GDI2: variants seen among roughly 807,000 people sequenced by gnomAD.
GDI2 encodes the protein GDP dissociation inhibitor 2, also known as rab GDP dissociation inhibitor beta.
Under a neutral mutation model 54.2 loss-of-function variants are expected in GDI2, and 22 were observed. That is an observed-to-expected ratio of 0.41 (90% CI 0.29 to 0.58). GDI2 has a LOEUF of 0.58. Among genes scored for constraint, GDI2 ranks in the 20% least tolerant of loss-of-function variants. The pLI is 0.35. For synonymous variants in GDI2, 177 were observed against 182.1 expected, an observed-to-expected ratio of 0.97 and a Z score of 0.23; for missense variants, 422 against 546.0, an observed-to-expected ratio of 0.77 and a Z score of 2.26.
At chr10:5,802,896 G>A (rs1841300678) in intron 1 of GDI2, among the ~76,000 whole-genome samples, 1 of 152,134 alleles carries the variant, frequency 6.6e-6, no homozygotes, top group Admixed American at 6.6e-5. Context: ...TCATTAATGT[G>A]GCTTCAGATT....
At chr10:5,773,303 C>CAGTGTCA (rs143332877) in intron 7 of GDI2, among the ~76,000 whole-genome samples, 5,061 of 152,180 alleles carry the variant, frequency 0.033, 131 homozygotes, top group Non-Finnish European at 0.051. Context: ...CAGATAGTAA[C>CAGTGTCA]AGTGTCAAAT....
chr10:5,810,728 T>C (rs1010237799), intron 1 of GDI2, among the ~76,000 whole-genome samples: 2 of 152,242 alleles, frequency 1.3e-5, no homozygotes, highest in African/African-American at 4.8e-5. Flanking sequence ...AGCTGTGCTC[T>C]TTAGAGATAA....
chr10:5,806,995 G>A lies in GDI2; in HGVS notation c.45+6219C>T, dbSNP rs139271040. ...GGCCCAGTAATTTAAAGATGTGGCC[G>A]AGTCCAAAGAGCTGACAGCAACTAC... is the stretch of plus-strand genomic sequence containing the variant. On this transcript the variant is annotated intron_variant, in intron 1 of 10. Coordinates refer to ENST00000380191, the MANE Select transcript of GDI2 (RefSeq NM_001494.4). Among the ~76,000 whole-genome samples, 6 of 152,216 alleles carry A rather than the reference G, an allele frequency of 3.9e-5. No individual in the cohort carries two copies. In the East Asian group the frequency reaches 9.6e-4, roughly 24 times the overall value.
In GDI2 at chr10:5,796,818, C is replaced by T. The variant is rs1350264115; in HGVS notation, c.198G>A (p.Met66Ile). 1.9e-6 allele frequency: 3 copies of T among 1,593,426 alleles called. No individual in the cohort carries two copies. Among genetic ancestry groups the T allele is most frequent in the South Asian group, 1.1e-5 (1 of 90,538 alleles). ...FKIPGSPPESMGRGRDWNVDL... is the reference protein window; with the variant it reads ...FKIPGSPPESIGRGRDWNVDL... Reference sequence around the variant, plus strand: ...CAACATTCCAGTCTCTTCCTCTCCCCATTGACTCGGGTGGTGATCCTGGTA... The same window carrying T: ...CAACATTCCAGTCTCTTCCTCTCCCTATTGACTCGGGTGGTGATCCTGGTA... Residue 66 changes from methionine (M) to isoleucine (I), a missense_variant, in exon 3 of 11, where the codon ATG (methionine) becomes ATA (isoleucine). Transcript: ENST00000380191.
At chr10:5,808,933 C>T (rs765454457) in intron 1 of GDI2, among the ~76,000 whole-genome samples, 15 of 151,952 alleles carry the variant, frequency 9.9e-5, no homozygotes, top group African/African-American at 3.6e-4. Flanking sequence ...AATGACTCTG[C>T]CCCTCTAATG....
intron 7 of GDI2, among the ~76,000 whole-genome samples, chr10:5,769,915 G>T (rs1050738501): frequency 1.3e-5 from 2 of 152,218 alleles, no homozygotes; most frequent in Admixed American, 6.5e-5. Context: ...TGGTCTTGAT[G>T]AGACATTTGT....
chr10:5,795,046 T>C (rs1052452919), intron 3 of GDI2, 27 bp from the exon 4 acceptor site: 7 of 1,458,614 alleles, frequency 4.8e-6, no homozygotes, highest in Non-Finnish European at 6.7e-6. Context: ...ATTCAAACTA[T>C]AACTTAAGTC....
intron 4 of GDI2, among the ~76,000 whole-genome samples, chr10:5,792,419 A>G (rs1258509918): frequency 6.6e-6 from 1 of 152,238 alleles, no homozygotes; most frequent in Admixed American, 6.5e-5. Context: ...TATTAAAATT[A>G]TAAAACAACT....
At chr10:5,773,677 T>C (rs975684102) in intron 7 of GDI2, among the ~76,000 whole-genome samples, 165 bp downstream of exon 7, 1 of 152,222 alleles carries the variant, frequency 6.6e-6, no homozygotes, top group African/African-American at 2.4e-5. Context: ...AAAAAGATGC[T>C]TTTAAAACAA....
Position 5,776,950 on chromosome 10 carries a change from A to G in GDI2, c.720-3009T>C, listed in dbSNP as rs1198111440. 2 of 565,088 alleles carry G rather than the reference A, an allele frequency of 3.5e-6. No homozygotes were observed. Among genetic ancestry groups the G allele is most frequent in the Non-Finnish European group, 6.1e-6 (2 of 326,194 alleles). 35.0% of individuals were successfully genotyped at this position (565,088 alleles called of 1,614,324 possible). ...AAATTAAAAGGGAAAACCACATAGA[A>G]GGGTAATCCCGGAAATGCTTCATCT... On this transcript the variant is annotated intron_variant, in intron 6 of 10. Coordinates refer to ENST00000380191, the MANE Select transcript of GDI2 (RefSeq NM_001494.4). The surrounding 1 kb of genome is among the most constrained non-coding windows in gnomAD (Gnocchi z 5.3).
Position 5,796,826 on chromosome 10 carries a change from C to G in GDI2, c.190G>C (p.Glu64Gln). 1.3e-6 allele frequency: 2 copies of G among 1,588,678 alleles called. No individual in the cohort carries two copies. The highest frequency in any genetic ancestry group is 1.1e-5 in the South Asian group (1 of 90,278). Residue 64 changes from glutamate to glutamine, a missense_variant, in exon 3 of 11, where the codon GAG becomes CAG. By Grantham distance (29) the Glu-to-Gln change is conservative. Transcript: ENST00000380191. ...CAGTCTCTTCCTCTCCCCATTGACT[C>G]GGGTGGTGATCCTGGTATTTTAAAT... ...KRFKIPGSPP[E>Q]SMGRGRDWNV...
intron 4 of GDI2, among the ~76,000 whole-genome samples, chr10:5,793,426 C>T (rs1258668615): frequency 6.6e-6 from 1 of 152,200 alleles, no homozygotes; most frequent in Non-Finnish European, 1.5e-5. Context: ...TAACTACCCG[C>T]AACTGAATGA....
chr10:5,810,282 C>T (rs1841458658), intron 1 of GDI2, among the ~76,000 whole-genome samples: 1 of 151,986 alleles, frequency 6.6e-6, no homozygotes, highest in Non-Finnish European at 1.5e-5. Flanking sequence ...CTGTGTAGAA[C>T]AAAAAATGGG....
At chr10:5,800,348 A>G (rs1228045510) in intron 2 of GDI2, among the ~76,000 whole-genome samples, 2 of 152,234 alleles carry the variant, frequency 1.3e-5, no homozygotes, top group African/African-American at 4.8e-5. Context: ...GCGCTGGCAC[A>G]TCAGACGATC....
intron 4 of GDI2, 115 bp from the exon 5 acceptor site, chr10:5,786,165 A>ATTTT (rs35328258): frequency 0.014 from 5,299 of 380,414 alleles, 66 homozygotes; most frequent in African/African-American, 0.036. Flanking sequence ...GCAGGATGCA[A>ATTTT]TTTTTTTTTT....
In GDI2 at chr10:5,785,932, T is replaced by C; in HGVS notation, c.507A>G (p.Arg169=). 6.2e-7 allele frequency: 1 copy of C among 1,611,066 alleles called. No individual in the cohort carries two copies. Among genetic ancestry groups the C allele is most frequent in the Non-Finnish European group, 8.5e-7 (1 of 1,177,164 alleles). Residue 169 remains arginine (R), a synonymous_variant, in exon 5 of 11, where the codon CGA becomes CGG. Transcript: ENST00000380191. The part of the protein sequence containing the change: ...EGIDPKKTTM[R]DVYKKFDLGQ... ...CCAAATCAAATTTCTTATACACATC[T>C]CGCATTGTGGTCTTCTTAGGATCAA...
intron 1 of GDI2, chr10:5,811,987 C>A: frequency 3.2e-6 from 2 of 633,608 alleles, no homozygotes. Context: ...ATTGGTTTGA[C>A]CCTGAGAGAT....
At chr10:5,788,288 T>C (rs995976173) in intron 4 of GDI2, among the ~76,000 whole-genome samples, 1 of 152,220 alleles carries the variant, frequency 6.6e-6, no homozygotes, top group East Asian at 1.9e-4. Context: ...TGTGAGCCAC[T>C]GCACCTAGTC....
chr10:5,796,629 A>G (rs559798098), intron 3 of GDI2, 134 bp downstream of exon 3: 3 of 594,062 alleles, frequency 5.0e-6, no homozygotes, highest in South Asian at 2.2e-5. Context: ...CTAATGGACC[A>G]TGTTACTCAC....
Sources: gnomAD v4.1 joint callset for allele counts (sites outside exome capture counted in the v4.1 genomes callset) on GRCh38, gnomAD v4.1.1 for gene constraint, Gnocchi (gnomAD v3.1) non-coding constraint, MANE v1.5 for transcripts, NCBI Gene and HGNC (gene_info 2026-07-23, HGNC 2026-07-21) for gene names.